Variants in KYAT3 observed in about 807,000 individuals in gnomAD.
KYAT3 encodes kynurenine--oxoglutarate transaminase 3.
Under a neutral mutation model 59.0 loss-of-function variants are expected in KYAT3, and 50 were observed. That is an observed-to-expected ratio of 0.85 (90% CI 0.68 to 1.07). KYAT3 has a LOEUF of 1.07. Ranked by LOEUF, KYAT3 falls within the 50% of genes least tolerant of loss-of-function variation. The pLI is 0.00. For missense variants in KYAT3, 497 were observed against 533.3 expected (o/e 0.93, Z 0.67); for synonymous variants, 148 against 177.0 (o/e 0.84, Z 1.30).
chr1:88,982,458 A>T, intron 2 of KYAT3: 1 of 1,050,534 alleles, frequency 9.5e-7, no homozygotes. Flanking sequence ...CAATGTCATA[A>T]AGTCAAATAA....
At chr1:88,992,745 T>C (rs1049520619), upstream of KYAT3, 2 of 145,100 alleles carry the variant, frequency 1.4e-5, no homozygotes, top group African/African-American at 5.2e-5. Flanking sequence ...CCAGGATCTC[T>C]AGGCTGGAAG....
the KYAT3 span, among the ~76,000 whole-genome samples, chr1:88,926,467 C>A: frequency 6.6e-6 from 1 of 152,168 alleles, no homozygotes; most frequent in Non-Finnish European, 1.5e-5. Context: ...GTGTGTGCCA[C>A]CATACCTGGT....
chr1:88,980,102 A>T, intron 2 of KYAT3: 1 of 152,194 alleles, frequency 6.6e-6, no homozygotes, highest in South Asian at 2.1e-4. Context: ...ATAAAATACT[A>T]AACACCACCA....
chr1:88,935,160 ATT>A (rs111681890), downstream of KYAT3, among the ~76,000 whole-genome samples: 8 of 142,242 alleles, frequency 5.6e-5, no homozygotes, highest in African/African-American at 1.0e-4. Context: ...CGCCCAGCCA[ATT>A]TTTTTTTTTT....
intron 13 of KYAT3, among the ~76,000 whole-genome samples, chr1:88,936,565 T>G (rs544491253): frequency 2.7e-4 from 41 of 152,332 alleles, no homozygotes; most frequent in African/African-American, 9.1e-4. Flanking sequence ...CTGGATTTAG[T>G]TCTAATGGCT....
At chr1:88,955,724 A>T (rs571372327) in intron 8 of KYAT3, among the ~76,000 whole-genome samples, 2 of 152,312 alleles carry the variant, frequency 1.3e-5, no homozygotes, top group Admixed American at 6.5e-5. Flanking sequence ...CACTAGCAAT[A>T]TCAGCATCAC....
chr1:88,931,122 C>G (rs1361656960), downstream of KYAT3, among the ~76,000 whole-genome samples: 1 of 151,944 alleles, frequency 6.6e-6, no homozygotes, highest in Non-Finnish European at 1.5e-5. Flanking sequence ...TACTTAAAAC[C>G]CTTCACCAAA....
Position 88,983,496 on chromosome 1 carries a change from C to T in KYAT3, c.99+4756G>A, listed in dbSNP as rs775605696. 20 of 1,614,186 alleles carry T rather than the reference C, an allele frequency of 1.2e-5. No individual in the cohort carries two copies. The East Asian group carries it at 3.6e-4, about 29-fold the overall frequency. Reference sequence around the variant, plus strand: ...GTTCCTCCACTTCCTCCTCTTCCAGCTCCAAAACCTCTTGGAGGACCTCTA... The same window carrying T: ...GTTCCTCCACTTCCTCCTCTTCCAGTTCCAAAACCTCTTGGAGGACCTCTA... On this transcript the variant is annotated intron_variant, in intron 2 of 13. Transcript: ENST00000260508.
At chr1:88,948,003 G>T (rs1675513145) in intron 11 of KYAT3, among the ~76,000 whole-genome samples, 1 of 152,096 alleles carries the variant, frequency 6.6e-6, no homozygotes, top group Non-Finnish European at 1.5e-5. Context: ...CAGGTGGCAG[G>T]ATGGCTTGAG....
intron 2 of KYAT3, chr1:88,983,099 T>G (rs1677192385): frequency 1.2e-6 from 2 of 1,612,294 alleles, no homozygotes. Context: ...ATAATCACGG[T>G]AAGTATAATC....
chr1:88,943,244 C>T, intron 12 of KYAT3, 106 bp downstream of exon 12: 4 of 954,030 alleles, frequency 4.2e-6, no homozygotes, highest in Non-Finnish European at 6.5e-6. Flanking sequence ...AGTGGAGTAT[C>T]ATATAACAAC....
chr1:88,984,195 T>G lies in KYAT3; in HGVS notation c.99+4057A>C, dbSNP rs182786468. The stretch of plus-strand genomic sequence containing the variant: ...GTGTGTATAATTAACAGGAGCCCTT[T>G]TTTTGTTGCTTTTTTTTTTTTTTTT... On this transcript the variant is annotated intron_variant, in intron 2 of 13. Coordinates refer to ENST00000260508, the MANE Select transcript of KYAT3 (RefSeq NM_001008661.3). The G allele has an allele frequency of 5.8e-3, 1,114 of 190,816 alleles. 13 individuals carry two copies. The highest frequency in any genetic ancestry group is 0.027 in the African/African-American group (1,074 of 39,900). The allele number at this position is 190,816 out of a possible 1,614,324, so 11.8% of individuals were successfully genotyped here. A position where few individuals can be genotyped will look rare whatever the true frequency, so the allele number is the denominator to read the frequency against.
At position 88,961,642 on chromosome 1, in the gene KYAT3, T is replaced by C. The variant is rs192019779; in HGVS notation, c.541-136A>G. On this transcript the variant is annotated intron_variant, in intron 6 of 13. Coordinates refer to ENST00000260508, the MANE Select transcript of KYAT3 (RefSeq NM_001008661.3). ...AACTGAATAAATTACCAACAAATGCTTTCCTGCAGTAGGAACAGAAAAAAA... is the reference window on the plus strand; with the variant it reads ...AACTGAATAAATTACCAACAAATGCCTTCCTGCAGTAGGAACAGAAAAAAA... 4.4e-3 allele frequency: 3,145 copies of C among 720,054 alleles called. 14 individuals are homozygous for C. The highest frequency in any genetic ancestry group is 6.0e-3 in the Non-Finnish European group (2,684 of 449,584). The allele number at this position is 720,054 out of a possible 1,614,324, so 44.6% of individuals were successfully genotyped here.
At chr1:88,970,469 G>C (rs1354411225) in intron 2 of KYAT3, among the ~76,000 whole-genome samples, 1 of 152,124 alleles carries the variant, frequency 6.6e-6, no homozygotes, top group African/African-American at 2.4e-5. Flanking sequence ...CTCAGGATCT[G>C]AACCCAGACA....
chr1:88,948,943 T>G, intron 11 of KYAT3, 148 bp downstream of exon 11: 1 of 570,066 alleles, frequency 1.8e-6, no homozygotes, highest in South Asian at 3.3e-5. Context: ...GTAAAGATAA[T>G]TATAGAAAAT....
At chr1:88,984,717 T>C (rs928472169) in intron 2 of KYAT3, among the ~76,000 whole-genome samples, 1 of 152,210 alleles carries the variant, frequency 6.6e-6, no homozygotes, top group Non-Finnish European at 1.5e-5. Context: ...ACAGCACAGC[T>C]TTAGGGCTGA....
At chr1:88,987,243 T>G (rs1014539513) in intron 2 of KYAT3, among the ~76,000 whole-genome samples, 4 of 152,186 alleles carry the variant, frequency 2.6e-5, no homozygotes, top group African/African-American at 9.7e-5. Flanking sequence ...GCCCTTTTAG[T>G]GCCATGGTTT....
rs1220068045 is a variant in KYAT3, at chr1:88,935,992, T to G, written c.*191A>C. The G allele has an allele frequency of 2.0e-6, 1 of 509,826 alleles. No individual in the cohort carries two copies. The highest frequency in any genetic ancestry group is 3.5e-6 in the Non-Finnish European group (1 of 282,568). The allele number at this position is 509,826 out of a possible 1,614,324, so 31.6% of individuals were successfully genotyped here. A position where few individuals can be genotyped will look rare whatever the true frequency, so the allele number is the denominator to read the frequency against. ...GATTGTGGAAGGTGTGTTAATACATTTCAACTGGAAAAAAAAGGTCAGATC... is the reference window on the plus strand; with the variant it reads ...GATTGTGGAAGGTGTGTTAATACATGTCAACTGGAAAAAAAAGGTCAGATC... On this transcript the variant is annotated 3_prime_UTR_variant, in exon 14 of 14. Coordinates refer to ENST00000260508, the MANE Select transcript of KYAT3 (RefSeq NM_001008661.3).
intron 4 of KYAT3, among the ~76,000 whole-genome samples, chr1:88,966,827 A>G (rs1676368203): frequency 6.8e-6 from 1 of 146,934 alleles, no homozygotes; most frequent in Non-Finnish European, 1.5e-5. Context: ...TAGGTTTCTC[A>G]TAGATTCCTT....
Sources: allele counts gnomAD v4.1 joint callset (sites outside exome capture counted in the v4.1 genomes callset), GRCh38; gene constraint gnomAD v4.1.1; transcripts MANE v1.5; gene names NCBI Gene and HGNC (gene_info 2026-07-23, HGNC 2026-07-21).